GRM8: variants seen among roughly 807,000 people sequenced by gnomAD.
GRM8 encodes metabotropic glutamate receptor 8.
GRM8 carries 47 observed loss-of-function variants against 87.2 expected under a neutral mutation model. That is an observed-to-expected ratio of 0.54 (90% CI 0.43 to 0.69). The LOEUF is 0.69. Ranked by LOEUF, GRM8 falls within the 30% of genes least tolerant of loss-of-function variation. The pLI is 0.00. For synonymous variants in GRM8, 396 were observed against 404.5 expected (o/e 0.98, Z 0.25); for missense variants, 1,019 against 1,139.2 (o/e 0.89, Z 1.52).
intron 3 of GRM8, among the ~76,000 whole-genome samples, chr7:127,021,351 A>T (rs1816247901): frequency 7.9e-6 from 1 of 126,208 alleles, no homozygotes; most frequent in African/African-American, 3.0e-5. Context: ...AATTTTTTTT[A>T]AAGAAATCAA....
chr7:126,857,305 G>A (rs956483653), intron 6 of GRM8, among the ~76,000 whole-genome samples: 2 of 152,268 alleles, frequency 1.3e-5, no homozygotes, highest in African/African-American at 4.8e-5. Flanking sequence ...GGCAGGGGTG[G>A]CAGCTGCATT....
chr7:126,611,270 C>T (rs1328269538), intron 7 of GRM8, among the ~76,000 whole-genome samples: 2 of 152,128 alleles, frequency 1.3e-5, no homozygotes, highest in African/African-American at 2.4e-5. Flanking sequence ...AGCAGGTTAA[C>T]CTCTTAAATC....
At chr7:126,494,153 C>A (rs1425075931) in intron 9 of GRM8, among the ~76,000 whole-genome samples, 2 of 152,006 alleles carry the variant, frequency 1.3e-5, no homozygotes, top group Non-Finnish European at 2.9e-5. Flanking sequence ...TTCATTTATA[C>A]CTCCATATTA....
At position 126,734,521 on chromosome 7, in the gene GRM8, T is replaced by C. The variant is rs184204573; in HGVS notation, c.1357+35344A>G. ...TTCATATTATTACATTTTAATAATA[T>C]ATTAAAATGGCCTTCCACATCACTA... On this transcript the variant is annotated intron_variant, in intron 7 of 10. Transcript: ENST00000339582. Among the ~76,000 whole-genome samples the C allele has an allele frequency of 1.7e-3, 260 of 151,556 alleles. 2 individuals carry two copies. The highest frequency in any genetic ancestry group is 0.013 in the East Asian group (66 of 5,172).
chr7:127,160,232 G>T (rs1015629169), intron 2 of GRM8, among the ~76,000 whole-genome samples: 7 of 152,146 alleles, frequency 4.6e-5, no homozygotes, highest in Admixed American at 6.5e-5. Context: ...AAAGGAGGGT[G>T]TTTGATTAGT....
At chr7:126,770,619 T>A (rs1164465971) in intron 6 of GRM8, among the ~76,000 whole-genome samples, 6 of 152,226 alleles carry the variant, frequency 3.9e-5, no homozygotes, top group Admixed American at 6.6e-5. Flanking sequence ...CTCAATTTTC[T>A]ATTTAGAATT....
chr7:126,925,353 A>T (rs1017285985), intron 3 of GRM8, among the ~76,000 whole-genome samples: 1 of 152,216 alleles, frequency 6.6e-6, no homozygotes, highest in Admixed American at 6.5e-5. Context: ...ATTGCTGCAC[A>T]TGTGTTCTAT....
At position 126,514,872 on chromosome 7, in the gene GRM8, G is replaced by T. The variant is rs73447027; in HGVS notation, c.2430+18080C>A. On this transcript the variant is annotated intron_variant, in intron 9 of 10. Coordinates refer to ENST00000339582, the MANE Select transcript of GRM8 (RefSeq NM_000845.3). Reference sequence around the variant, plus strand: ...TCTAAGAATTTTTTAGTATTACATTGAATGTTTGATAGGAATTTATTTCTA... The same window carrying T: ...TCTAAGAATTTTTTAGTATTACATTTAATGTTTGATAGGAATTTATTTCTA... Among the ~76,000 whole-genome samples, 1,331 of 151,878 alleles carry T rather than the reference G, an allele frequency of 8.8e-3. 27 individuals carry two copies. The highest frequency in any genetic ancestry group is 0.03 in the African/African-American group (1,245 of 41,454).
intron 2 of GRM8, among the ~76,000 whole-genome samples, chr7:127,179,686 T>A (rs1418184818): frequency 7.9e-5 from 12 of 151,902 alleles, no homozygotes; most frequent in Admixed American, 5.9e-4. Flanking sequence ...GGAAATCAAC[T>A]CCAAAAGGAA....
rs755428549 is a variant in GRM8 at position 126,440,786 on chromosome 7, T to C, written c.2678-1618A>G. Among the ~76,000 whole-genome samples, 50 of 152,026 alleles carry C rather than the reference T, an allele frequency of 3.3e-4. 1 individual carries two copies. The highest frequency in any genetic ancestry group is 1.9e-4 in the Non-Finnish European group (13 of 67,996). On this transcript the variant is annotated intron_variant, in intron 10 of 10. Coordinates refer to ENST00000339582, the MANE Select transcript of GRM8 (RefSeq NM_000845.3). ...TATGATGTTTGCGCAAAGACAAAAT[T>C]GCCTAACAACACATTTCTTAGAACA...
chr7:126,610,225 C>T (rs923611737), intron 7 of GRM8, among the ~76,000 whole-genome samples: 5 of 152,146 alleles, frequency 3.3e-5, no homozygotes, highest in Admixed American at 6.5e-5. Context: ...TTTATTTTCC[C>T]TCTTATTAAC....
intron 3 of GRM8, among the ~76,000 whole-genome samples, chr7:126,949,107 A>G (rs1279308016): frequency 6.6e-6 from 1 of 152,252 alleles, no homozygotes; most frequent in Non-Finnish European, 1.5e-5. Context: ...AAATTATGCA[A>G]TTAATTATAT....
At chr7:127,010,584 T>A (rs1461395659) in intron 3 of GRM8, among the ~76,000 whole-genome samples, 1 of 152,176 alleles carries the variant, frequency 6.6e-6, no homozygotes, top group Non-Finnish European at 1.5e-5. Context: ...CATAATATCA[T>A]GTTTAATTCT....
At chr7:126,809,136 A>G (rs1364424071) in intron 6 of GRM8, among the ~76,000 whole-genome samples, 1 of 152,172 alleles carries the variant, frequency 6.6e-6, no homozygotes, top group Non-Finnish European at 1.5e-5. Flanking sequence ...CTTTCAAAAG[A>G]AGCAGTGGGG....
chr7:126,701,171 A>C (rs1809880513), intron 7 of GRM8, among the ~76,000 whole-genome samples: 1 of 152,162 alleles, frequency 6.6e-6, no homozygotes, highest in Non-Finnish European at 1.5e-5. Flanking sequence ...GAAATGAGTC[A>C]GCTAGTTTTG....
chr7:126,504,599 A>G (rs1363689676), intron 9 of GRM8, among the ~76,000 whole-genome samples: 1 of 152,032 alleles, frequency 6.6e-6, no homozygotes, highest in Non-Finnish European at 1.5e-5. Context: ...AACCCCCATG[A>G]CACACAATTT....
At position 126,911,984 on chromosome 7, in the gene GRM8, G is replaced by A. The variant is rs186117184; in HGVS notation, c.728-7301C>T. ...CCAAGGCAGGCAGATCAAGAGATCA[G>A]GAGATCAAGACCATCCTGGCTAACA... On this transcript the variant is annotated intron_variant, in intron 3 of 10. Coordinates refer to ENST00000339582, the MANE Select transcript of GRM8 (RefSeq NM_000845.3). 2.1e-3 allele frequency among the ~76,000 whole-genome samples: 323 copies of A among 152,232 alleles called. 2 individuals are homozygous for A. Among genetic ancestry groups the A allele is most frequent in the Non-Finnish European group, 3.4e-3 (229 of 68,010 alleles).
chr7:127,163,080 A>T (rs911260998), intron 2 of GRM8, among the ~76,000 whole-genome samples: 2 of 152,118 alleles, frequency 1.3e-5, no homozygotes, highest in Non-Finnish European at 2.9e-5. Context: ...TAACAGAGGG[A>T]TAGGGGTTGT....
At chr7:126,537,774 CA>C (rs908944819) in intron 8 of GRM8, among the ~76,000 whole-genome samples, 9 of 149,560 alleles carry the variant, frequency 6.0e-5, no homozygotes, top group Admixed American at 1.3e-4. Flanking sequence ...GAGACTCCGT[CA>C]AAAAAAACAA....
Sources: gnomAD v4.1 joint callset for allele counts (sites outside exome capture counted in the v4.1 genomes callset) on GRCh38, gnomAD v4.1.1 for gene constraint, MANE v1.5 for transcripts, NCBI Gene and HGNC (gene_info 2026-07-23, HGNC 2026-07-21) for gene names.